The following PTK2B variants were observed in gnomAD, a reference collection of about 807,000 sequenced individuals.
PTK2B encodes the protein protein-tyrosine kinase 2-beta.
Under a neutral mutation model 142.9 loss-of-function variants are expected in PTK2B, and 71 were observed. The observed-to-expected ratio is 0.50, with a 90% CI of 0.41 to 0.61. PTK2B has a LOEUF of 0.61. Among genes scored for constraint, PTK2B ranks in the 20% least tolerant of loss-of-function variants. The pLI is 0.00. For missense variants in PTK2B, 1,105 were observed against 1,320.4 expected, an observed-to-expected ratio of 0.84 and a Z score of 2.53; for synonymous variants, 519 against 503.4, an observed-to-expected ratio of 1.03 and a Z score of -0.42.
chr8:27,318,459 T>C (rs575400923), intron 3 of PTK2B, among the ~76,000 whole-genome samples: 1 of 152,208 alleles, frequency 6.6e-6, no homozygotes, highest in South Asian at 2.1e-4. Flanking sequence ...ATAGAGCTGA[T>C]TCAGAGTCGG....
chr8:27,369,691 A>C (rs752244141), intron 1 of PTK2B, among the ~76,000 whole-genome samples: 132 of 150,228 alleles, frequency 8.8e-4, no homozygotes, highest in Non-Finnish European at 1.7e-3. Context: ...AACTTAAGTC[A>C]AGGCTGAGTG....
chr8:27,382,760 C>A (rs1458943256), intron 1 of PTK2B, among the ~76,000 whole-genome samples: 1 of 152,148 alleles, frequency 6.6e-6, no homozygotes, highest in Non-Finnish European at 1.5e-5. Context: ...TAGTTTCATT[C>A]TTCTGCATAT....
In PTK2B at chr8:27,434,105, G is replaced by A. The variant is rs759712843; in HGVS notation, c.1118G>A (p.Arg373Gln). ...IIHPRKDGEK[R>Q]NSLPQIPMLN... is the part of the protein sequence containing the mutation. Reference sequence around the variant, plus strand: ...CCTCTCTTCCTAGATGGTGAGAAGCGGAACAGCCTGCCCCAGATCCCCATG... The same window carrying A: ...CCTCTCTTCCTAGATGGTGAGAAGCAGAACAGCCTGCCCCAGATCCCCATG... The change falls in exon 12 of 31, where the codon CGG becomes CAG. Residue 373 changes from arginine (R) to glutamine (Q), a missense_variant. Coordinates refer to ENST00000346049, the MANE Select transcript of PTK2B (RefSeq NM_173176.3). 19 of 1,614,108 alleles carry A rather than the reference G, an allele frequency of 1.2e-5. No individual in the cohort carries two copies. Among genetic ancestry groups the A allele is most frequent in the South Asian group, 3.3e-5 (3 of 91,082 alleles).
At chr8:27,423,746 C>G (rs1809904201) in intron 5 of PTK2B, among the ~76,000 whole-genome samples, 1 of 152,118 alleles carries the variant, frequency 6.6e-6, no homozygotes, top group African/African-American at 2.4e-5. Flanking sequence ...CTGGGGAGTC[C>G]TCCGGTGGGG....
chr8:27,395,678 G>C (rs1410087512), intron 1 of PTK2B, among the ~76,000 whole-genome samples: 1 of 152,166 alleles, frequency 6.6e-6, no homozygotes, highest in African/African-American at 2.4e-5. Flanking sequence ...AAATACCCCA[G>C]ATCCCTCCCT....
At chr8:27,448,960 G>C (rs1307688179) in intron 24 of PTK2B, among the ~76,000 whole-genome samples, 3 of 152,230 alleles carry the variant, frequency 2.0e-5, no homozygotes, top group Non-Finnish European at 4.4e-5. Flanking sequence ...CTAGCTCAGT[G>C]GTTCTCAGCT....
chr8:27,313,015 C>G (rs971932035), intron 2 of PTK2B, among the ~76,000 whole-genome samples: 1 of 152,166 alleles, frequency 6.6e-6, no homozygotes, highest in Non-Finnish European at 1.5e-5. Context: ...GTGTCCCCAC[C>G]CCAAATCTCA....
Position 27,450,746 on chromosome 8 carries a change from C to T in PTK2B, c.2341-3C>T. On this transcript the variant is annotated splice_region_variant and splice_polypyrimidine_tract_variant and intron_variant, in intron 24 of 30. Coordinates refer to ENST00000346049, the MANE Select transcript of PTK2B (RefSeq NM_173176.3). Reference sequence around the variant, plus strand: ...CTCTCCCTTCTCTCTGCCGTCCTCCCAGGAGGAGGACTTCATCCAACCCAG... The same window carrying T: ...CTCTCCCTTCTCTCTGCCGTCCTCCTAGGAGGAGGACTTCATCCAACCCAG... 6.2e-7 allele frequency: 1 copy of T among 1,614,148 alleles called. No homozygotes were observed. The highest frequency in any genetic ancestry group is 1.3e-5 in the African/African-American group (1 of 75,058).
Position 27,439,048 on chromosome 8 carries a change from A to G in PTK2B, c.1661A>G (p.Asn554Ser). 6.2e-7 allele frequency: 1 copy of G among 1,614,040 alleles called. No homozygotes were observed. Among genetic ancestry groups the G allele is most frequent in the Non-Finnish European group, 8.5e-7 (1 of 1,179,938 alleles). The change falls in exon 19 of 31, where the codon AAC (asparagine) becomes AGC (serine). Residue 554 changes from asparagine (N) to serine (S), a missense_variant. Coordinates refer to ENST00000346049, the MANE Select transcript of PTK2B (RefSeq NM_173176.3). ...TCTTCCAGGGACATTGCTGTCCGGA[A>G]CATCCTGGTGGCCTCCCCTGAGTGT... ...NCVHRDIAVR[N>S]ILVASPECVK...
At chr8:27,409,785 G>A (rs924039973) in intron 2 of PTK2B, among the ~76,000 whole-genome samples, 3 of 152,132 alleles carry the variant, frequency 2.0e-5, no homozygotes, top group African/African-American at 2.4e-5. Flanking sequence ...GCAATGGTGC[G>A]ATATCAGCTC....
At chr8:27,429,346 C>T (rs955296757) in intron 5 of PTK2B, among the ~76,000 whole-genome samples, 1 of 152,202 alleles carries the variant, frequency 6.6e-6, no homozygotes, top group African/African-American at 2.4e-5. Context: ...ATTAAAGGAA[C>T]ACTGAATGAC....
intron 24 of PTK2B, among the ~76,000 whole-genome samples, chr8:27,446,623 G>A (rs1811489617): frequency 6.6e-6 from 1 of 152,128 alleles, no homozygotes; most frequent in Non-Finnish European, 1.5e-5. Flanking sequence ...GCCCCTAGTG[G>A]TCAGTTGCCA....
intron 2 of PTK2B, among the ~76,000 whole-genome samples, chr8:27,409,641 A>G (rs1321242964): frequency 1.3e-5 from 2 of 152,214 alleles, no homozygotes; most frequent in East Asian, 1.9e-4. Context: ...TGAGGAACCA[A>G]TGAGAGATTT....
At chr8:27,345,265 C>T (rs1804647394) in intron 1 of PTK2B, among the ~76,000 whole-genome samples, 1 of 152,228 alleles carries the variant, frequency 6.6e-6, no homozygotes, top group African/African-American at 2.4e-5. Context: ...GAGCAATGAA[C>T]AAATTATACC....
intron 1 of PTK2B, among the ~76,000 whole-genome samples, chr8:27,347,214 T>TAA (rs3050365): frequency 0.77 from 109,232 of 141,718 alleles, 42,544 homozygotes; most frequent in Middle Eastern, 0.85. Context: ...CCATCTCTAC[T>TAA]AAAAAAAAAA....
intron 1 of PTK2B, among the ~76,000 whole-genome samples, chr8:27,394,248 C>T (rs1248251741): frequency 3.3e-5 from 5 of 152,204 alleles, no homozygotes; most frequent in Non-Finnish European, 7.3e-5. Context: ...TACTTGATCA[C>T]TCTTTTTGAC....
intron 21 of PTK2B, among the ~76,000 whole-genome samples, chr8:27,440,800 T>C (rs898368335): frequency 5.3e-5 from 8 of 152,226 alleles, no homozygotes; most frequent in African/African-American, 1.9e-4. Context: ...CTCTCGACTT[T>C]GATCTTTCCT....
chr8:27,404,262 T>C (rs760259790), intron 2 of PTK2B, among the ~76,000 whole-genome samples: 8 of 152,222 alleles, frequency 5.3e-5, no homozygotes, highest in Non-Finnish European at 8.8e-5. Flanking sequence ...TGCTCATCTC[T>C]GCCTATCACA....
intron 5 of PTK2B, among the ~76,000 whole-genome samples, chr8:27,429,422 C>T (rs955881839): frequency 2.6e-5 from 4 of 152,024 alleles, no homozygotes; most frequent in African/African-American, 9.7e-5. Flanking sequence ...TCACAGTGGC[C>T]CAGACAGGGA....
Sources: allele counts gnomAD v4.1 joint callset (sites outside exome capture counted in the v4.1 genomes callset), GRCh38; gene constraint gnomAD v4.1.1; transcripts MANE v1.5; gene names NCBI Gene and HGNC (gene_info 2026-07-23, HGNC 2026-07-21).